Variants in ACTN2 observed in about 807,000 individuals in gnomAD.
The protein encoded by ACTN2 is actinin alpha 2, also known as alpha-actinin-2.
ACTN2 carries 39 observed loss-of-function variants against 113.8 expected under a neutral mutation model. The observed-to-expected ratio is 0.34, with a 90% CI of 0.27 to 0.45. ACTN2 has a LOEUF of 0.45. Among genes scored for constraint, ACTN2 ranks in the 20% least tolerant of loss-of-function variants. The pLI is 1.00. For missense variants in ACTN2, 992 were observed against 1,177.9 expected (o/e 0.84, Z 2.31); for synonymous variants, 429 against 444.1 (o/e 0.97, Z 0.43).
At chr1:236,757,698 G>C in intron 18 of ACTN2, 66 bp downstream of exon 18, 1 of 1,591,196 alleles carries the variant, frequency 6.3e-7, no homozygotes, top group Non-Finnish European at 8.6e-7. Context: ...GAAATAATAT[G>C]CATGCTCTCG....
intron 1 of ACTN2, among the ~76,000 whole-genome samples, chr1:236,708,000 C>T (rs538632147): frequency 2.0e-4 from 30 of 152,094 alleles, no homozygotes; most frequent in African/African-American, 6.7e-4. Flanking sequence ...TGTGAGCCAC[C>T]GCACTTGGCC....
chr1:236,737,057 G>A (rs1572130388), intron 8 of ACTN2, 65 bp from the exon 9 acceptor site: 3 of 1,379,310 alleles, frequency 2.2e-6, no homozygotes, highest in South Asian at 1.2e-5. Context: ...CACCCACCTC[G>A]TTCCATGCTG....
chr1:236,748,342 A>C (rs1453283031), intron 13 of ACTN2, among the ~76,000 whole-genome samples: 1 of 152,126 alleles, frequency 6.6e-6, no homozygotes, highest in African/African-American at 2.4e-5. Context: ...CTCTGATGAT[A>C]CTTTTGAGAT....
chr1:236,725,577 A>G (rs542897180), intron 4 of ACTN2, among the ~76,000 whole-genome samples: 99 of 152,286 alleles, frequency 6.5e-4, no homozygotes, highest in African/African-American at 2.2e-3. Context: ...CAGTGAGCCA[A>G]GATCCCACCA....
At chr1:236,708,871 G>A (rs910894817) in intron 1 of ACTN2, among the ~76,000 whole-genome samples, 1 of 152,072 alleles carries the variant, frequency 6.6e-6, no homozygotes, top group African/African-American at 2.4e-5. Context: ...TGGAGAGACG[G>A]CTTTGACCTT....
At chr1:236,730,443 T>A (rs1658682274) in intron 6 of ACTN2, among the ~76,000 whole-genome samples, 1 of 152,190 alleles carries the variant, frequency 6.6e-6, no homozygotes. Context: ...AATATTGAAA[T>A]GACTTTGTTA....
In ACTN2 at chr1:236,764,477, A is replaced by G. The variant is rs572253689; in HGVS notation, c.*1858A>G. The G allele has an allele frequency of 3.3e-5, 5 of 152,222 alleles. No individual in the cohort carries two copies. The highest frequency in any genetic ancestry group is 1.2e-4 in the African/African-American group (5 of 41,460). The allele number at this position is 152,222 out of a possible 1,614,324, so 9.4% of individuals were successfully genotyped here. A position where few individuals can be genotyped will look rare whatever the true frequency, so the allele number is the denominator to read the frequency against. ...GCAAGAGAGGGGGTCAGTAGTCTCT[A>G]TCTGCTAATAAATGAAGAAAGGAAG... On this transcript the variant is annotated 3_prime_UTR_variant, in exon 21 of 21. Transcript: ENST00000366578.
intron 4 of ACTN2, among the ~76,000 whole-genome samples, chr1:236,725,040 A>G (rs2102903219): frequency 6.6e-6 from 1 of 151,996 alleles, no homozygotes; most frequent in Admixed American, 6.6e-5. Context: ...CACACAGTTT[A>G]TTTTTTCATG....
At chr1:236,707,397 G>A (rs1657859590) in intron 1 of ACTN2, among the ~76,000 whole-genome samples, 1 of 152,166 alleles carries the variant, frequency 6.6e-6, no homozygotes, top group South Asian at 2.1e-4. Context: ...GTTATTGGAG[G>A]CGGAATATCT....
rs572168556 is a variant in ACTN2 at position 236,754,147 on chromosome 1, G to A, written c.1974+66G>A. On this transcript the variant is annotated intron_variant, in intron 16 of 20. Transcript: ENST00000366578. The surrounding 1 kb of genome is among the most constrained non-coding windows in gnomAD (Gnocchi z 4.9). ...GATAAGTCCCTTTAGCCACGCAGCAGTGACACCGCACATGCTGTGGTTTCC... is the reference window on the plus strand; with the variant it reads ...GATAAGTCCCTTTAGCCACGCAGCAATGACACCGCACATGCTGTGGTTTCC... 1 of 1,595,552 alleles carries A rather than the reference G, an allele frequency of 6.3e-7. No individual in the cohort carries two copies. Among genetic ancestry groups the A allele is most frequent in the South Asian group, 1.1e-5 (1 of 90,796 alleles).
At chr1:236,734,694 A>G (rs554873233) in intron 7 of ACTN2, among the ~76,000 whole-genome samples, 1 of 152,072 alleles carries the variant, frequency 6.6e-6, no homozygotes, top group Non-Finnish European at 1.5e-5. Flanking sequence ...CTTTCTGTTC[A>G]TGCAGTGGTA....
chr1:236,696,086 C>T (rs983322123), intron 1 of ACTN2, among the ~76,000 whole-genome samples: 19 of 152,084 alleles, frequency 1.2e-4, no homozygotes, highest in African/African-American at 4.3e-4. Flanking sequence ...GCAGGCAGAT[C>T]ACATCAGGTC....
intron 5 of ACTN2, 95 bp downstream of exon 5, chr1:236,726,115 C>G (rs2102904500): frequency 2.7e-6 from 3 of 1,111,140 alleles, no homozygotes; most frequent in Non-Finnish European, 4.1e-6. Flanking sequence ...TTCCTCCTGT[C>G]TGAGAAGCCT....
rs117989712 is a variant in ACTN2 at position 236,691,867 on chromosome 1, G to A, written c.126+5068G>A. ...TGTGGCTCATGGTGTGTTTGTGCAC[G>A]TGTGATAGGGAGATAATACCCGATG... is the stretch of plus-strand genomic sequence containing the variant. On this transcript the variant is annotated intron_variant, in intron 1 of 20. Coordinates refer to ENST00000366578, the MANE Select transcript of ACTN2 (RefSeq NM_001103.4). Among the ~76,000 whole-genome samples, 171 of 152,274 alleles carry A rather than the reference G, an allele frequency of 1.1e-3. 3 individuals carry two copies. In the East Asian group the frequency reaches 0.029, roughly 26 times the overall value.
rs1469122962 is a variant in ACTN2, at chr1:236,734,435, T to A, written c.698-1200T>A. On this transcript the variant is annotated intron_variant, in intron 7 of 20. Transcript: ENST00000366578. ...TTAACCTTCTTTTCTCCACACAGAT[T>A]TAGTATACACTGCCAGACCCGATGA... 3.3e-6 allele frequency: 5 copies of A among 1,533,844 alleles called. No individual in the cohort carries two copies. In the Admixed American group the frequency reaches 9.8e-5, roughly 30 times the overall value.
chr1:236,690,726 G>A (rs77549847), intron 1 of ACTN2, among the ~76,000 whole-genome samples: 7,637 of 152,224 alleles, frequency 0.05, 267 homozygotes, highest in Admixed American at 0.11. Flanking sequence ...GGCCCTTGGT[G>A]ACCTTGATGT....
intron 1 of ACTN2, among the ~76,000 whole-genome samples, chr1:236,704,825 T>C (rs1224753448): frequency 6.6e-6 from 1 of 152,222 alleles, no homozygotes; most frequent in Admixed American, 6.5e-5. Context: ...AATTGAAGCT[T>C]GGAGAACCGT....
At chr1:236,744,561 T>G in intron 11 of ACTN2, 65 bp from the exon 12 acceptor site, 1 of 1,583,646 alleles carries the variant, frequency 6.3e-7, no homozygotes, top group Non-Finnish European at 8.6e-7. Flanking sequence ...CCTGAGAATG[T>G]GGCTGGCATG....
chr1:236,733,923 C>G (rs1558238444), intron 7 of ACTN2, among the ~76,000 whole-genome samples: 1 of 152,214 alleles, frequency 6.6e-6, no homozygotes, highest in Admixed American at 6.5e-5. Context: ...TGAAACTCTT[C>G]CTAAACTTAT....
Sources: allele counts gnomAD v4.1 joint callset (sites outside exome capture counted in the v4.1 genomes callset), GRCh38; gene constraint gnomAD v4.1.1; non-coding constraint Gnocchi (gnomAD v3.1); transcripts MANE v1.5; gene names NCBI Gene and HGNC (gene_info 2026-07-23, HGNC 2026-07-21).